ARID1B: variants seen among roughly 807,000 people sequenced by gnomAD.
ARID1B encodes AT-rich interactive domain-containing protein 1B.
Under a neutral mutation model 212.3 loss-of-function variants are expected in ARID1B, and 30 were observed. The ratio of observed to expected loss-of-function variants is 0.14; its 90% CI spans 0.11 to 0.19. The LOEUF (loss-of-function observed/expected upper bound fraction) is 0.19. Ranked by LOEUF, ARID1B falls within the 10% of genes least tolerant of loss-of-function variation. ARID1B has a pLI of 1.00. For missense variants in ARID1B, 2,891 were observed against 3,204.0 expected, an observed-to-expected ratio of 0.90 and a Z score of 2.36; for synonymous variants, 1,402 against 1,301.7, an observed-to-expected ratio of 1.08 and a Z score of -1.66.
chr6:157,058,350 C>T (rs1045899164), intron 4 of ARID1B, among the ~76,000 whole-genome samples: 1 of 151,946 alleles, frequency 6.6e-6, no homozygotes, highest in Non-Finnish European at 1.5e-5. Context: ...CTGCAGCCTC[C>T]ACCTCCCGGG....
chr6:156,903,952 G>A (rs1361498366), intron 3 of ARID1B, among the ~76,000 whole-genome samples: 1 of 152,144 alleles, frequency 6.6e-6, no homozygotes, highest in Non-Finnish European at 1.5e-5. Context: ...CAAGATACCT[G>A]ACTTTGTGTC....
intron 5 of ARID1B, among the ~76,000 whole-genome samples, chr6:157,085,968 T>G (rs1357141970): frequency 1.3e-5 from 2 of 152,232 alleles, no homozygotes; most frequent in African/African-American, 4.8e-5. Flanking sequence ...TTTTTGGGTT[T>G]TTTTCTAAGA....
At position 157,150,501 on chromosome 6, in the gene ARID1B, G is replaced by T. The variant is rs564441728; in HGVS notation, c.3089+1550G>T. ...AAAGCTATACTTTAAAATGGTAAAT[G>T]GAGATTAGAATTGAGAATATTACTT... On this transcript the variant is annotated intron_variant, in intron 8 of 19. Transcript: ENST00000636930. 3 of 155,644 alleles carry T rather than the reference G, an allele frequency of 1.9e-5. No individual in the cohort carries two copies. In the East Asian group the frequency reaches 5.2e-4, roughly 27 times the overall value. The allele number at this position is 155,644 out of a possible 1,614,324, so 9.6% of individuals were successfully genotyped here.
chr6:156,993,135 C>T (rs1027528160), intron 4 of ARID1B, among the ~76,000 whole-genome samples: 9 of 151,630 alleles, frequency 5.9e-5, no homozygotes, highest in East Asian at 1.9e-4. Context: ...CTCCGCCTCC[C>T]GGTTCAAGCG....
chr6:157,107,788 T>G (rs1786601557), intron 5 of ARID1B: 1 of 151,890 alleles, frequency 6.6e-6, no homozygotes, highest in African/African-American at 2.4e-5. Context: ...TGCCCAGCAG[T>G]ATGCGCTTTA....
chr6:157,179,315 G>T (rs571446735), intron 11 of ARID1B, among the ~76,000 whole-genome samples: 1 of 152,140 alleles, frequency 6.6e-6, no homozygotes, highest in Non-Finnish European at 1.5e-5. Flanking sequence ...AGCTTCTGAG[G>T]TGCTGCCCGG....
intron 2 of ARID1B, among the ~76,000 whole-genome samples, chr6:156,899,235 C>T (rs185294031): frequency 1.8e-3 from 150 of 84,692 alleles, no homozygotes; most frequent in African/African-American, 8.5e-3. Context: ...ACACAACTCA[C>T]GTGCAAAGGG....
rs533554100 is a variant in ARID1B at position 156,874,832 on chromosome 6, C to T, written c.1987-26544C>T. Among the ~76,000 whole-genome samples the T allele has an allele frequency of 1.5e-4, 23 of 152,258 alleles. No homozygotes were observed. In the East Asian group the frequency reaches 2.1e-3, roughly 14 times the overall value. ...AGCTTTAATCCATTTCCAGAACGTG[C>T]GTAGTGCCTTAAGCGTATCTCTTTA... On this transcript the variant is annotated intron_variant, in intron 2 of 19. Coordinates refer to ENST00000636930, the MANE Select transcript of ARID1B (RefSeq NM_001374828.1).
At chr6:156,839,961 A>T (rs1321442663) in intron 2 of ARID1B, among the ~76,000 whole-genome samples, 2 of 152,262 alleles carry the variant, frequency 1.3e-5, no homozygotes, top group Admixed American at 6.5e-5. Flanking sequence ...GAGGCTGCGA[A>T]TTTGAGTTCG....
chr6:157,059,483 T>A (rs1429579517), intron 4 of ARID1B, among the ~76,000 whole-genome samples: 2 of 152,252 alleles, frequency 1.3e-5, no homozygotes, highest in Non-Finnish European at 2.9e-5. Context: ...CTGATTCATG[T>A]AATGGAAATT....
chr6:157,021,686 T>G (rs901346712), intron 4 of ARID1B, among the ~76,000 whole-genome samples: 1 of 152,012 alleles, frequency 6.6e-6, no homozygotes, highest in African/African-American at 2.4e-5. Context: ...CCACATTCCT[T>G]TCCGGGCAAG....
intron 2 of ARID1B, among the ~76,000 whole-genome samples, chr6:156,848,925 A>G (rs1784405477): frequency 6.6e-6 from 1 of 152,224 alleles, no homozygotes; most frequent in Non-Finnish European, 1.5e-5. Flanking sequence ...TGTTACAATA[A>G]CCAAGGAGAC....
chr6:157,134,958 G>A (rs1230092961), intron 7 of ARID1B, among the ~76,000 whole-genome samples: 1 of 151,982 alleles, frequency 6.6e-6, no homozygotes, highest in Non-Finnish European at 1.5e-5. Context: ...ATTCAATCTT[G>A]TAGCCTCTTT....
chr6:156,815,395 A>C (rs1008102188), intron 1 of ARID1B, among the ~76,000 whole-genome samples: 2 of 152,184 alleles, frequency 1.3e-5, no homozygotes, highest in Admixed American at 6.5e-5. Context: ...ATTGAGTGTA[A>C]TTAGCATGAA....
In ARID1B at chr6:156,779,453, G is replaced by T; in HGVS notation, c.1773G>T (p.Pro591=). 7.0e-7 allele frequency: 1 copy of T among 1,430,522 alleles called. No individual in the cohort carries two copies. The highest frequency in any genetic ancestry group is 9.2e-7 in the Non-Finnish European group (1 of 1,086,196). 88.6% of individuals were successfully genotyped at this position (1,430,522 alleles called of 1,614,324 possible). A position where few individuals can be genotyped will look rare whatever the true frequency, so the allele number is the denominator to read the frequency against. ...HPAMSPGTPG[P]TMGRSQGSPM... ...CGATGAGCCCCGGCACCCCCGGACC[G>T]ACCATGGGCAGATCCCAGGTAACCC... The change falls in exon 1 of 20, where the codon CCG becomes CCT. Residue 591 remains proline, a synonymous_variant. Transcript: ENST00000636930.
At position 157,190,026 on chromosome 6, in the gene ARID1B, G is replaced by T. The variant is rs1370650163; in HGVS notation, c.4059-12G>T. 1 of 1,612,358 alleles carries T rather than the reference G, an allele frequency of 6.2e-7. No individual in the cohort carries two copies. Among genetic ancestry groups the T allele is most frequent in the Admixed American group, 1.7e-5 (1 of 59,840 alleles). Reference sequence around the variant, plus strand: ...CTGTATCATTAAGCTTTCATTCTTTGCCTCTCTTCAGAAGCAGTACAATCA... The same window carrying T: ...CTGTATCATTAAGCTTTCATTCTTTTCCTCTCTTCAGAAGCAGTACAATCA... On this transcript the variant is annotated splice_polypyrimidine_tract_variant and intron_variant, in intron 14 of 19. Coordinates refer to ENST00000636930, the MANE Select transcript of ARID1B (RefSeq NM_001374828.1). The surrounding 1 kb of genome is among the most constrained non-coding windows in gnomAD (Gnocchi z 4.6).
intron 4 of ARID1B, among the ~76,000 whole-genome samples, chr6:157,018,146 G>GT (rs1780018195): frequency 7.0e-6 from 1 of 142,810 alleles, no homozygotes; most frequent in Admixed American, 7.0e-5. Flanking sequence ...TAAAAGTAAA[G>GT]TAATAAGTAA....
intron 1 of ARID1B, among the ~76,000 whole-genome samples, chr6:156,821,180 G>C (rs1031517151): frequency 6.6e-6 from 1 of 152,222 alleles, no homozygotes; most frequent in Admixed American, 6.5e-5. Context: ...CGGAGATAAA[G>C]ACCAACTTCT....
intron 1 of ARID1B, among the ~76,000 whole-genome samples, chr6:156,785,342 G>A (rs1271327626): frequency 6.6e-6 from 1 of 152,122 alleles, no homozygotes; most frequent in Non-Finnish European, 1.5e-5. Flanking sequence ...TCTGTAAGGT[G>A]CACTTCTCAG....
Sources: allele counts gnomAD v4.1 joint callset (sites outside exome capture counted in the v4.1 genomes callset), GRCh38; gene constraint gnomAD v4.1.1; non-coding constraint Gnocchi (gnomAD v3.1); transcripts MANE v1.5; gene names NCBI Gene and HGNC (gene_info 2026-07-23, HGNC 2026-07-21).